EBF2: variants seen among roughly 807,000 people sequenced by gnomAD.
EBF2 encodes transcription factor COE2.
In EBF2, 21 loss-of-function variants were observed where a neutral mutation model predicts 72.8. The observed-to-expected ratio is 0.29, with a 90% CI of 0.20 to 0.42. EBF2 has a LOEUF of 0.42. EBF2 is among the 10% of genes least tolerant of loss of function. EBF2 has a pLI of 1.00. For synonymous variants in EBF2, 299 were observed against 274.2 expected (o/e 1.09, Z -0.89); for missense variants, 637 against 731.2 (o/e 0.87, Z 1.49).
chr8:26,041,995 T>C, intron 2 of EBF2, 100 bp downstream of exon 2: 1 of 1,500,526 alleles, frequency 6.7e-7, no homozygotes, highest in Non-Finnish European at 9.1e-7. Flanking sequence ...TCCCTGATGG[T>C]GAGAGTGGAA....
intron 7 of EBF2, among the ~76,000 whole-genome samples, chr8:25,901,448 AT>A (rs10712724): frequency 0.43 from 64,413 of 148,944 alleles, 15,820 homozygotes; most frequent in East Asian, 0.72. Flanking sequence ...AAAGTTAATG[AT>A]TTTTGAGGTT....
At chr8:25,901,412 A>C (rs529877287) in intron 7 of EBF2, among the ~76,000 whole-genome samples, 26 of 135,658 alleles carry the variant, frequency 1.9e-4, no homozygotes, top group African/African-American at 7.1e-4. Flanking sequence ...AAAGAGTGAC[A>C]TCTTGTCTCA....
At chr8:25,951,148 T>C (rs7830333) in intron 6 of EBF2, among the ~76,000 whole-genome samples, 21,579 of 152,262 alleles carry the variant, frequency 0.14, 2,047 homozygotes, top group African/African-American at 0.27. Flanking sequence ...AGTAATTTGA[T>C]ATCACCATCT....
At chr8:25,932,376 G>A (rs1228127565) in intron 6 of EBF2, among the ~76,000 whole-genome samples, 3 of 56,118 alleles carry the variant, frequency 5.3e-5, no homozygotes, top group Non-Finnish European at 1.8e-4. Flanking sequence ...AAAGTCTCTT[G>A]ATTAAAAAAA....
intron 6 of EBF2, among the ~76,000 whole-genome samples, chr8:25,952,643 T>C (rs993706962): frequency 2.6e-5 from 4 of 152,176 alleles, no homozygotes; most frequent in Admixed American, 1.3e-4. Flanking sequence ...ATCTCCCCCC[T>C]ACACTTCATG....
intron 6 of EBF2, among the ~76,000 whole-genome samples, chr8:25,913,256 C>G (rs748282512): frequency 6.6e-6 from 1 of 152,078 alleles, no homozygotes; most frequent in Non-Finnish European, 1.5e-5. Flanking sequence ...TCCTGACCAA[C>G]GTGGTGAAGC....
intron 10 of EBF2, among the ~76,000 whole-genome samples, chr8:25,884,476 G>T (rs1802657405): frequency 6.6e-6 from 1 of 152,114 alleles, no homozygotes; most frequent in African/African-American, 2.4e-5. Context: ...CTTCAGAGAG[G>T]CCTCCCTAAC....
In EBF2 at chr8:26,044,894, G is replaced by GT; in HGVS notation, c.-36dup. ...CTGATCCTCTACTGTCGCTTTAAAA[G>GT]TAAGAGTTACAACACAGTCCTGACT... On this transcript the variant is annotated 5_prime_UTR_variant, in exon 1 of 16. Coordinates refer to ENST00000520164, the MANE Select transcript of EBF2 (RefSeq NM_022659.4). The surrounding 1 kb of genome is among the most constrained non-coding windows in gnomAD (Gnocchi z 4.1). 1 of 1,609,672 alleles carries GT rather than the reference G, an allele frequency of 6.2e-7. No homozygotes were observed. Among genetic ancestry groups the GT allele is most frequent in the African/African-American group, 1.3e-5 (1 of 74,824 alleles).
chr8:25,993,371 C>A (rs1585219447), intron 6 of EBF2, among the ~76,000 whole-genome samples: 2 of 152,152 alleles, frequency 1.3e-5, no homozygotes, highest in Non-Finnish European at 2.9e-5. Context: ...GCTAACAGCC[C>A]CTATGCAGTT....
intron 14 of EBF2, among the ~76,000 whole-genome samples, chr8:25,851,832 C>T (rs2117249186): frequency 6.6e-6 from 1 of 152,302 alleles, no homozygotes; most frequent in Non-Finnish European, 1.5e-5. Context: ...TTATGACTGA[C>T]CAACCAAGTA....
intron 7 of EBF2, among the ~76,000 whole-genome samples, chr8:25,894,725 T>C (rs1050279907): frequency 6.6e-6 from 1 of 152,218 alleles, no homozygotes; most frequent in African/African-American, 2.4e-5. Context: ...GGTCAACATT[T>C]CTTACCATTA....
intron 6 of EBF2, among the ~76,000 whole-genome samples, chr8:25,913,145 C>T (rs1803155354): frequency 6.6e-6 from 1 of 151,966 alleles, no homozygotes; most frequent in South Asian, 2.1e-4. Context: ...ATTTTTAATA[C>T]AAAAGAAGTC....
At chr8:26,001,173 A>G (rs992878916) in intron 6 of EBF2, among the ~76,000 whole-genome samples, 1 of 152,200 alleles carries the variant, frequency 6.6e-6, no homozygotes, top group African/African-American at 2.4e-5. Context: ...TGGGCCCTCA[A>G]AGAGCACCAT....
intron 6 of EBF2, among the ~76,000 whole-genome samples, chr8:25,964,837 T>C (rs1242812425): frequency 1.3e-5 from 2 of 152,228 alleles, no homozygotes; most frequent in Non-Finnish European, 2.9e-5. Flanking sequence ...GAGTTATCTA[T>C]ATGTACCTAC....
At chr8:25,985,166 C>G (rs1395322392) in intron 6 of EBF2, among the ~76,000 whole-genome samples, 1 of 152,176 alleles carries the variant, frequency 6.6e-6, no homozygotes, top group African/African-American at 2.4e-5. Flanking sequence ...CGTCTCAAAG[C>G]CCTCCAGGGC....
Position 25,887,856 on chromosome 8 carries a change from G to A in EBF2, c.868C>T (p.Leu290Phe), listed in dbSNP as rs753226980. Residue 290 changes from leucine (L) to phenylalanine (F), a missense_variant, in exon 9 of 16, where the codon CTT becomes TTT. Coordinates refer to ENST00000520164, the MANE Select transcript of EBF2 (RefSeq NM_022659.4). ...CCTCTGCTTACCTCGCTCCATACAA[G>A]CATAGTCCCAAACACCACTTGGAGA... The part of the protein sequence containing the change: ...DGLQVVFGTM[L>F]VWSELITPHA... The A allele has an allele frequency of 7.4e-6, 12 of 1,611,126 alleles. No individual in the cohort carries two copies. The highest frequency in any genetic ancestry group is 8.5e-6 in the Non-Finnish European group (10 of 1,178,772).
intron 14 of EBF2, among the ~76,000 whole-genome samples, chr8:25,855,185 G>C (rs1268160202): frequency 1.3e-5 from 2 of 152,154 alleles, no homozygotes; most frequent in African/African-American, 4.8e-5. Context: ...CTTTGTAGGA[G>C]GATTGATTGG....
intron 11 of EBF2, among the ~76,000 whole-genome samples, chr8:25,862,215 CAA>C (rs1802223687): frequency 6.6e-6 from 1 of 152,104 alleles, no homozygotes; most frequent in Non-Finnish European, 1.5e-5. Flanking sequence ...CAACATGGGC[CAA>C]ATTCATAAAG....
At chr8:26,013,178 T>C (rs1805054139) in intron 6 of EBF2, among the ~76,000 whole-genome samples, 1 of 152,188 alleles carries the variant, frequency 6.6e-6, no homozygotes, top group South Asian at 2.1e-4. Flanking sequence ...CACTGAAATA[T>C]ACAGTTCCAG....
Sources: allele counts gnomAD v4.1 joint callset (sites outside exome capture counted in the v4.1 genomes callset), GRCh38; gene constraint gnomAD v4.1.1; non-coding constraint Gnocchi (gnomAD v3.1); transcripts MANE v1.5; gene names NCBI Gene and HGNC (gene_info 2026-07-23, HGNC 2026-07-21).